Variants in FRMD6 observed in about 807,000 individuals in gnomAD.
FRMD6 encodes the protein FERM domain containing 6.
A neutral mutation model predicts 73.2 loss-of-function variants in FRMD6; 37 were observed. The ratio of observed to expected loss-of-function variants is 0.51; its 90% CI spans 0.39 to 0.66. The LOEUF is 0.66. Ranked by LOEUF, FRMD6 falls within the 30% of genes least tolerant of loss-of-function variation. The pLI, the probability that FRMD6 is intolerant of heterozygous loss-of-function variation, is 0.00. For synonymous variants in FRMD6, 273 were observed against 282.2 expected (o/e 0.97, Z 0.33); for missense variants, 714 against 780.5 (o/e 0.91, Z 1.02).
chr14:51,527,913 G>A (rs142638679), intron 1 of FRMD6, among the ~76,000 whole-genome samples: 192 of 152,236 alleles, frequency 1.3e-3, no homozygotes, highest in African/African-American at 4.5e-3. Context: ...GGCTGAGGTG[G>A]GAGGATCACT....
the FRMD6 span, among the ~76,000 whole-genome samples, chr14:51,418,875 C>T: frequency 3.4e-4 from 52 of 152,354 alleles, no homozygotes; most frequent in African/African-American, 1.2e-3. Flanking sequence ...CTACTTAAGC[C>T]TCAGCAATGG....
intron 1 of FRMD6, 144 bp from the exon 2 acceptor site, chr14:51,689,547 C>A: frequency 2.8e-6 from 1 of 360,424 alleles, no homozygotes; most frequent in Non-Finnish European, 5.2e-6. Context: ...CAGTGAGTTC[C>A]CATGTATTAA....
At chr14:51,630,343 A>C (rs1891287719) in intron 2 of FRMD6, among the ~76,000 whole-genome samples, 1 of 152,168 alleles carries the variant, frequency 6.6e-6, no homozygotes, top group Non-Finnish European at 1.5e-5. Flanking sequence ...GAGTGTAGGC[A>C]AATTGCATAA....
chr14:51,602,933 A>G (rs1253525205), intron 2 of FRMD6, among the ~76,000 whole-genome samples: 1 of 152,234 alleles, frequency 6.6e-6, no homozygotes, highest in Non-Finnish European at 1.5e-5. Flanking sequence ...GCTGTGGAAT[A>G]ATTTATTGGT....
the FRMD6 span, among the ~76,000 whole-genome samples, chr14:51,445,290 G>A: frequency 5.3e-5 from 8 of 152,090 alleles, no homozygotes; most frequent in South Asian, 2.1e-4. Flanking sequence ...CAGGAGAGTC[G>A]CCTGCCAGCT....
At position 51,729,934 on chromosome 14, in the gene FRMD6, G is replaced by A. The variant is rs918176701; in HGVS notation, c.*1905G>A. On this transcript the variant is annotated 3_prime_UTR_variant, in exon 14 of 14. Transcript: ENST00000344768. Reference sequence around the variant, plus strand: ...GTTGCAGATATTGGAATGTATGGAAGTATCTCAGTCTCTGCATAAGAGGAT... The same window carrying A: ...GTTGCAGATATTGGAATGTATGGAAATATCTCAGTCTCTGCATAAGAGGAT... 13 of 152,640 alleles carry A rather than the reference G, an allele frequency of 8.5e-5. No homozygotes were observed. Among genetic ancestry groups the A allele is most frequent in the Non-Finnish European group, 1.9e-4 (13 of 68,040 alleles). The allele number at this position is 152,640 out of a possible 1,614,324, so 9.5% of individuals were successfully genotyped here.
intron 1 of FRMD6, chr14:51,565,401 T>C (rs546231623): frequency 6.6e-6 from 1 of 152,366 alleles, no homozygotes; most frequent in South Asian, 2.1e-4. Flanking sequence ...AATACTGGAT[T>C]AGCCCACTGG....
Position 51,727,992 on chromosome 14 carries a change from A to T in FRMD6, c.1832A>T (p.Asp611Val). ...VKRTSKYFSL[D>V]LTHDEVPEFV... ...AGAACCAGCAAATACTTTTCTCTGGATCTCACTCATGATGAAGTTCCAGAG... is the reference window on the plus strand; with the variant it reads ...AGAACCAGCAAATACTTTTCTCTGGTTCTCACTCATGATGAAGTTCCAGAG... The change falls in exon 14 of 14, where the codon GAT (aspartate) becomes GTT (valine). Residue 611 changes from aspartate to valine, a missense_variant. Coordinates refer to ENST00000344768, the MANE Select transcript of FRMD6 (RefSeq NM_001267046.2). 6.2e-7 allele frequency: 1 copy of T among 1,612,332 alleles called. No individual in the cohort carries two copies. Among genetic ancestry groups the T allele is most frequent in the African/African-American group, 1.3e-5 (1 of 75,004 alleles).
At chr14:51,477,718 CTTTCT>C in the FRMD6 span, among the ~76,000 whole-genome samples, 1 of 134,380 alleles carries the variant, frequency 7.4e-6, no homozygotes, top group Admixed American at 8.6e-5. Flanking sequence ...TCTTTTCTTT[CTTTCT>C]TTCTTTTCTT....
At chr14:51,441,682 T>C in the FRMD6 span, among the ~76,000 whole-genome samples, 4 of 152,138 alleles carry the variant, frequency 2.6e-5, no homozygotes, top group Non-Finnish European at 5.9e-5. Context: ...TGTAAACCCA[T>C]GCGTGTAGAG....
the FRMD6 span, among the ~76,000 whole-genome samples, chr14:51,465,099 C>G: frequency 1.3e-5 from 2 of 151,950 alleles, no homozygotes; most frequent in Admixed American, 1.3e-4. Flanking sequence ...AAAGGAAAAA[C>G]AGATAATGCA....
intron 1 of FRMD6, among the ~76,000 whole-genome samples, chr14:51,494,312 A>G (rs191675287): frequency 3.3e-5 from 5 of 152,326 alleles, no homozygotes; most frequent in African/African-American, 4.8e-5. Flanking sequence ...CTCTCTAGCT[A>G]TGAATCTATG....
At chr14:51,479,318 C>T in the FRMD6 span, among the ~76,000 whole-genome samples, 1 of 152,180 alleles carries the variant, frequency 6.6e-6, no homozygotes, top group East Asian at 1.9e-4. Context: ...AGAAATTTTA[C>T]CCTCCATGGT....
At chr14:51,609,679 T>C (rs115589557) in intron 2 of FRMD6, among the ~76,000 whole-genome samples, 5 of 152,284 alleles carry the variant, frequency 3.3e-5, no homozygotes, top group African/African-American at 1.2e-4. Flanking sequence ...AATTTAATGT[T>C]CACTGAGTAA....
At chr14:51,535,081 A>G (rs1792760972) in intron 1 of FRMD6, among the ~76,000 whole-genome samples, 1 of 152,228 alleles carries the variant, frequency 6.6e-6, no homozygotes, top group Non-Finnish European at 1.5e-5. Context: ...TCAGGGAGCT[A>G]CAAGGACATT....
chr14:51,592,184 T>C (rs901782277), intron 2 of FRMD6, among the ~76,000 whole-genome samples: 5 of 152,224 alleles, frequency 3.3e-5, no homozygotes, highest in Admixed American at 6.5e-5. Flanking sequence ...AGAGAGGAAA[T>C]TGTGATTTAC....
chr14:51,431,392 A>C, the FRMD6 span, among the ~76,000 whole-genome samples: 2 of 152,194 alleles, frequency 1.3e-5, no homozygotes, highest in Non-Finnish European at 2.9e-5. Context: ...AACTCATTCT[A>C]TCTCTCCTAA....
At chr14:51,625,369 A>G (rs1891076905) in intron 2 of FRMD6, among the ~76,000 whole-genome samples, 1 of 152,218 alleles carries the variant, frequency 6.6e-6, no homozygotes, top group Non-Finnish European at 1.5e-5. Flanking sequence ...CAGAAAATAG[A>G]TGATGAAACT....
At chr14:51,613,853 T>TG (rs1286225384) in intron 2 of FRMD6, among the ~76,000 whole-genome samples, 2 of 152,136 alleles carry the variant, frequency 1.3e-5, no homozygotes, top group Non-Finnish European at 2.9e-5. Context: ...AATATATAGA[T>TG]GAAATTAATA....
Sources: gnomAD v4.1 joint callset for allele counts (sites outside exome capture counted in the v4.1 genomes callset) on GRCh38, gnomAD v4.1.1 for gene constraint, MANE v1.5 for transcripts, NCBI Gene and HGNC (gene_info 2026-07-23, HGNC 2026-07-21) for gene names.